Variants in CNTNAP2 observed in about 807,000 individuals in gnomAD.
CNTNAP2 encodes the protein contactin associated protein 2.
A neutral mutation model predicts 155.2 loss-of-function variants in CNTNAP2; 98 were observed. The observed-to-expected ratio is 0.63, with a 90% CI of 0.54 to 0.75. The LOEUF is 0.75. CNTNAP2 is among the 30% of genes least tolerant of loss of function. CNTNAP2 has a pLI of 0.00. For missense variants in CNTNAP2, 1,727 were observed against 1,688.1 expected (o/e 1.02, Z -0.40); for synonymous variants, 651 against 631.2 (o/e 1.03, Z -0.47).
intron 1 of CNTNAP2, among the ~76,000 whole-genome samples, chr7:146,340,870 A>G (rs921590035): frequency 6.6e-6 from 1 of 152,206 alleles, no homozygotes; most frequent in African/African-American, 2.4e-5. Context: ...AAAAGTGGTA[A>G]TAAAAGAATA....
intron 8 of CNTNAP2, among the ~76,000 whole-genome samples, chr7:147,240,386 A>G (rs1803909196): frequency 6.6e-6 from 1 of 152,240 alleles, no homozygotes; most frequent in Non-Finnish European, 1.5e-5. Flanking sequence ...AAATACAGGT[A>G]AACCAGTCAC....
At chr7:147,924,991 A>G (rs1302610696) in intron 14 of CNTNAP2, among the ~76,000 whole-genome samples, 1 of 151,862 alleles carries the variant, frequency 6.6e-6, no homozygotes, top group Non-Finnish European at 1.5e-5. Flanking sequence ...TAGAGGCACG[A>G]GCCTGTAGTC....
At chr7:146,826,352 A>C (rs958478115) in intron 2 of CNTNAP2, among the ~76,000 whole-genome samples, 1 of 152,158 alleles carries the variant, frequency 6.6e-6, no homozygotes, top group Non-Finnish European at 1.5e-5. Context: ...AAAAGCCACT[A>C]TGTGAGTTAA....
At chr7:147,907,483 G>C (rs1474418874) in intron 14 of CNTNAP2, among the ~76,000 whole-genome samples, 2 of 152,146 alleles carry the variant, frequency 1.3e-5, no homozygotes, top group Non-Finnish European at 2.9e-5. Context: ...TCCTTCCTAT[G>C]TGGATGCTTT....
rs192140609 is a variant in CNTNAP2 at position 147,865,399 on chromosome 7, G to A, written c.2099-38166G>A. ...TGGTCTAAAATTCTCTTTTTTTGTT[G>A]TCTCTCTGCCAGCCTTCGGTATCAG... On this transcript the variant is annotated intron_variant, in intron 13 of 23. Transcript: ENST00000361727. Among the ~76,000 whole-genome samples, 58 of 152,138 alleles carry A rather than the reference G, an allele frequency of 3.8e-4. 1 individual carries two copies. In the East Asian group the frequency reaches 0.011, roughly 29 times the overall value.
At chr7:146,599,221 C>T (rs1798908944) in intron 1 of CNTNAP2, among the ~76,000 whole-genome samples, 2 of 152,022 alleles carry the variant, frequency 1.3e-5, no homozygotes, top group Non-Finnish European at 2.9e-5. Context: ...CTGCCTTGAA[C>T]CCATGAATAA....
chr7:148,192,081 T>G (rs969846555), intron 18 of CNTNAP2, among the ~76,000 whole-genome samples: 2 of 152,140 alleles, frequency 1.3e-5, no homozygotes, highest in Non-Finnish European at 2.9e-5. Flanking sequence ...GAGTGGAGAC[T>G]TCCGTTAATG....
chr7:146,867,927 A>C (rs915501102), intron 3 of CNTNAP2, among the ~76,000 whole-genome samples: 5 of 151,988 alleles, frequency 3.3e-5, no homozygotes, highest in African/African-American at 1.2e-4. Flanking sequence ...TTAGACCTTC[A>C]TCAGATGCAT....
intron 8 of CNTNAP2, among the ~76,000 whole-genome samples, chr7:147,148,070 A>G (rs960134581): frequency 3.3e-5 from 5 of 152,238 alleles, no homozygotes; most frequent in Admixed American, 3.3e-4. Flanking sequence ...AAAAAGCTAT[A>G]AAGAAATCAT....
At chr7:147,478,404 C>T (rs1258693117) in intron 10 of CNTNAP2, among the ~76,000 whole-genome samples, 6 of 152,074 alleles carry the variant, frequency 3.9e-5, no homozygotes, top group African/African-American at 7.2e-5. Context: ...CCATCTGCCT[C>T]GGCCTCCCAA....
intron 3 of CNTNAP2, among the ~76,000 whole-genome samples, chr7:146,870,653 A>G (rs1400971471): frequency 6.6e-6 from 1 of 152,180 alleles, no homozygotes; most frequent in Non-Finnish European, 1.5e-5. Context: ...ATTCAAACTA[A>G]CTTAAAGATA....
chr7:148,411,911 T>C (rs1799850410), intron 23 of CNTNAP2, among the ~76,000 whole-genome samples: 1 of 151,542 alleles, frequency 6.6e-6, no homozygotes, highest in Non-Finnish European at 1.5e-5. Context: ...TCTATATATA[T>C]CTTTCCTTAG....
At chr7:146,865,501 T>C (rs1795187111) in intron 3 of CNTNAP2, among the ~76,000 whole-genome samples, 1 of 152,128 alleles carries the variant, frequency 6.6e-6, no homozygotes, top group Non-Finnish European at 1.5e-5. Context: ...CTCACATATA[T>C]ATGGAGAATT....
chr7:146,625,570 T>C (rs1799405215), intron 1 of CNTNAP2, among the ~76,000 whole-genome samples: 1 of 152,012 alleles, frequency 6.6e-6, no homozygotes, highest in Non-Finnish European at 1.5e-5. Flanking sequence ...TTGACCAAGT[T>C]CCATTTACAG....
Position 146,451,858 on chromosome 7 carries a change from T to C in CNTNAP2, c.98-322413T>C, listed in dbSNP as rs1416125836. Among the ~76,000 whole-genome samples, 6 of 59,908 alleles carry C rather than the reference T, an allele frequency of 1.0e-4. 1 individual carries two copies. The highest frequency in any genetic ancestry group is 9.0e-4 in the African/African-American group (5 of 5,554). The allele number at this position is 59,908 out of a possible 152,430, so 39.3% of individuals were successfully genotyped here. On this transcript the variant is annotated intron_variant, in intron 1 of 23. Transcript: ENST00000361727. ...TACATATATATATACACGTATTCTA[T>C]ATATATATATACGTATATATACACA...
At chr7:146,392,361 T>C (rs187908086) in intron 1 of CNTNAP2, among the ~76,000 whole-genome samples, 2 of 152,064 alleles carry the variant, frequency 1.3e-5, no homozygotes, top group Admixed American at 1.3e-4. Flanking sequence ...CACAAACAAA[T>C]AAAAAATCAA....
At chr7:147,630,555 A>T (rs991136405) in intron 12 of CNTNAP2, among the ~76,000 whole-genome samples, 3 of 152,276 alleles carry the variant, frequency 2.0e-5, no homozygotes, top group South Asian at 4.1e-4. Context: ...GCTGATGAAC[A>T]TATATGCAAA....
At chr7:148,057,421 G>A (rs1803040466) in intron 15 of CNTNAP2, among the ~76,000 whole-genome samples, 1 of 152,116 alleles carries the variant, frequency 6.6e-6, no homozygotes, top group African/African-American at 2.4e-5. Context: ...GTCCTAACAT[G>A]AGGTCTCACT....
At chr7:147,353,259 A>G (rs1052878783) in intron 9 of CNTNAP2, among the ~76,000 whole-genome samples, 1 of 151,702 alleles carries the variant, frequency 6.6e-6, no homozygotes, top group Admixed American at 6.6e-5. Context: ...TCAACCTGTC[A>G]CCTACATTAG....
Sources: gnomAD v4.1 joint callset for allele counts (sites outside exome capture counted in the v4.1 genomes callset) on GRCh38, gnomAD v4.1.1 for gene constraint, MANE v1.5 for transcripts, NCBI Gene and HGNC (gene_info 2026-07-23, HGNC 2026-07-21) for gene names.